The following PCDHGA11 variants were observed in gnomAD, a reference collection of about 807,000 sequenced individuals.
PCDHGA11 encodes the protein protocadherin gamma subfamily A, 11.
A neutral mutation model predicts 60.4 loss-of-function variants in PCDHGA11; 39 were observed. The ratio of observed to expected loss-of-function variants is 0.65; its 90% CI spans 0.50 to 0.84. PCDHGA11 has a LOEUF of 0.84. PCDHGA11 is among the 40% of genes least tolerant of loss of function. The pLI, the probability that PCDHGA11 is intolerant of heterozygous loss-of-function variation, is 0.00. For missense variants in PCDHGA11, 1,165 were observed against 1,197.7 expected, an observed-to-expected ratio of 0.97 and a Z score of 0.40; for synonymous variants, 533 against 510.3, an observed-to-expected ratio of 1.04 and a Z score of -0.60.
Position 141,432,521 on chromosome 5 carries a change from G to C in PCDHGA11, c.2433+8861G>C. ...CCGCTCCGCAGAGCCCGGCTACCTG[G>C]TGACCAAGGTGGTGGCGGTGGACAG... On this transcript the variant is annotated intron_variant, in intron 1 of 3. Transcript: ENST00000398587. The surrounding 1 kb of genome is among the most constrained non-coding windows in gnomAD (Gnocchi z 6.0). 1.2e-6 allele frequency: 2 copies of C among 1,614,112 alleles called. No individual in the cohort carries two copies. The highest frequency in any genetic ancestry group is 1.7e-6 in the Non-Finnish European group (2 of 1,180,028).
At chr5:141,503,023 A>T (rs1163676028) in intron 2 of PCDHGA11, among the ~76,000 whole-genome samples, 1 of 141,884 alleles carries the variant, frequency 7.0e-6, no homozygotes, top group African/African-American at 2.6e-5. Context: ...TTTTTTTTTT[A>T]ATATCTATTT....
At chr5:141,462,036 G>T (rs760555655) in intron 1 of PCDHGA11, among the ~76,000 whole-genome samples, 6 of 151,978 alleles carry the variant, frequency 3.9e-5, no homozygotes, top group Non-Finnish European at 8.8e-5. Flanking sequence ...TTGGTCAGGC[G>T]GGTCTTGAAC....
chr5:141,490,336 G>T lies in PCDHGA11; in HGVS notation c.2434-4471G>T. 2 of 1,614,224 alleles carry T rather than the reference G, an allele frequency of 1.2e-6. No individual in the cohort carries two copies. The highest frequency in any genetic ancestry group is 8.5e-7 in the Non-Finnish European group (1 of 1,180,040). ...CCCTGTCCTAGAGAGCACACCAGTGGGCACAGTAGTGGGGTTGTTTAATGT... is the reference window on the plus strand; with the variant it reads ...CCCTGTCCTAGAGAGCACACCAGTGTGCACAGTAGTGGGGTTGTTTAATGT... On this transcript the variant is annotated intron_variant, in intron 1 of 3. Transcript: ENST00000398587. This position sits in a 1 kb window ranked among gnomAD's most constrained non-coding sequence, Gnocchi z 5.4.
At chr5:141,502,697 T>C (rs893610041) in intron 2 of PCDHGA11, among the ~76,000 whole-genome samples, 13 of 152,208 alleles carry the variant, frequency 8.5e-5, no homozygotes, top group African/African-American at 3.1e-4. Context: ...CTTGCCTGTA[T>C]CTGTTTTTAC....
chr5:141,423,906 G>A (rs2096789586), intron 1 of PCDHGA11: 17 of 1,272,396 alleles, frequency 1.3e-5, no homozygotes, highest in Non-Finnish European at 1.7e-5. Context: ...ATTTCAAAGG[G>A]GCCATTCAAC....
intron 1 of PCDHGA11, among the ~76,000 whole-genome samples, chr5:141,461,644 A>C (rs1266858748): frequency 1.3e-5 from 2 of 151,868 alleles, no homozygotes; most frequent in Non-Finnish European, 2.9e-5. Flanking sequence ...TTCTTCTTTG[A>C]CCCATGGATT....
In PCDHGA11 at chr5:141,490,242, T is replaced by G. The variant is rs2099697678; in HGVS notation, c.2434-4565T>G. 6.2e-7 allele frequency: 1 copy of G among 1,614,194 alleles called. No individual in the cohort carries two copies. The highest frequency in any genetic ancestry group is 8.5e-7 in the Non-Finnish European group (1 of 1,180,028). ...GACAGCCTGCCATGGAGGGCCACTG[T>G]GTGATTCAAGTGGATGTGGGGGATG... On this transcript the variant is annotated intron_variant, in intron 1 of 3. Transcript: ENST00000398587. The surrounding 1 kb of genome is among the most constrained non-coding windows in gnomAD (Gnocchi z 5.4).
At chr5:141,425,448 C>G (rs897473729) in intron 1 of PCDHGA11, among the ~76,000 whole-genome samples, 1 of 152,164 alleles carries the variant, frequency 6.6e-6, no homozygotes, top group African/African-American at 2.4e-5. Flanking sequence ...AAATAAAACA[C>G]CATCACATTT....
At position 141,491,640 on chromosome 5, in the gene PCDHGA11, T is replaced by A; in HGVS notation, c.2434-3167T>A. 6.2e-7 allele frequency: 1 copy of A among 1,613,804 alleles called. No homozygotes were observed. Among genetic ancestry groups the A allele is most frequent in the South Asian group, 1.1e-5 (1 of 91,086 alleles). On this transcript the variant is annotated intron_variant, in intron 1 of 3. Coordinates refer to ENST00000398587, the MANE Select transcript of PCDHGA11 (RefSeq NM_018914.3). This position sits in a 1 kb window ranked among gnomAD's most constrained non-coding sequence, Gnocchi z 6.9. ...CCCTCAGCGTTCAGCAGCCCACAGC[T>A]CTGGCGCTGGAGCCTGACGCCATCC...
chr5:141,436,817 TA>T (rs1431750380), intron 1 of PCDHGA11, among the ~76,000 whole-genome samples: 1 of 152,244 alleles, frequency 6.6e-6, no homozygotes, highest in Non-Finnish European at 1.5e-5. Context: ...ACAGCTGGTT[TA>T]AAAATCTTAA....
intron 1 of PCDHGA11, among the ~76,000 whole-genome samples, chr5:141,444,150 GGATT>G (rs2098419499): frequency 1.8e-5 from 2 of 114,014 alleles, no homozygotes; most frequent in Non-Finnish European, 1.7e-5. Flanking sequence ...TGTGTGTACT[GGATT>G]TTTTTTTTTT....
chr5:141,489,229 G>A lies in PCDHGA11; in HGVS notation c.2434-5578G>A, dbSNP rs1188849525. 5.9e-6 allele frequency: 9 copies of A among 1,522,134 alleles called. No homozygotes were observed. In the Admixed American group the frequency reaches 6.4e-5, roughly 11 times the overall value. 94.3% of individuals were successfully genotyped at this position (1,522,134 alleles called of 1,614,324 possible). On this transcript the variant is annotated intron_variant, in intron 1 of 3. Transcript: ENST00000398587. The surrounding 1 kb of genome is among the most constrained non-coding windows in gnomAD (Gnocchi z 4.5). The stretch of plus-strand genomic sequence containing the variant: ...AGCACAGACTTACTCTCCACAAAGG[G>A]ACTTCTGGGTCATGGGGCCCAAGAC...
At position 141,489,910 on chromosome 5, in the gene PCDHGA11, G is replaced by T; in HGVS notation, c.2434-4897G>T. ...GGATGGGGGGACCCCAGCCCGCTCA[G>T]GGACCACCCTTATCTCTGTCATCGT... On this transcript the variant is annotated intron_variant, in intron 1 of 3. Transcript: ENST00000398587. This position sits in a 1 kb window ranked among gnomAD's most constrained non-coding sequence, Gnocchi z 4.5. 1 of 1,614,226 alleles carries T rather than the reference G, an allele frequency of 6.2e-7. No homozygotes were observed. The highest frequency in any genetic ancestry group is 8.5e-7 in the Non-Finnish European group (1 of 1,180,030).
intron 1 of PCDHGA11, among the ~76,000 whole-genome samples, chr5:141,436,350 C>T (rs1034303123): frequency 5.9e-5 from 9 of 152,126 alleles, no homozygotes; most frequent in Non-Finnish European, 1.3e-4. Flanking sequence ...TCAGTGACTT[C>T]AATCAACTAT....
At chr5:141,429,613 G>A (rs1374650357) in intron 1 of PCDHGA11, among the ~76,000 whole-genome samples, 2 of 152,084 alleles carry the variant, frequency 1.3e-5, no homozygotes, top group African/African-American at 2.4e-5. Flanking sequence ...TCAATTTTAT[G>A]TCTGATATTT....
intron 2 of PCDHGA11, among the ~76,000 whole-genome samples, chr5:141,500,381 T>G (rs1013284512): frequency 7.2e-5 from 11 of 151,786 alleles, no homozygotes; most frequent in African/African-American, 2.7e-4. Flanking sequence ...GCTAATTATT[T>G]TGTATTTTTA....
At chr5:141,444,626 A>G (rs542390437) in intron 1 of PCDHGA11, among the ~76,000 whole-genome samples, 74 of 152,288 alleles carry the variant, frequency 4.9e-4, no homozygotes, top group African/African-American at 1.7e-3. Flanking sequence ...GGCATGATGC[A>G]CCAGTTCATT....
intron 1 of PCDHGA11, among the ~76,000 whole-genome samples, chr5:141,474,357 T>G (rs185194067): frequency 2.0e-4 from 30 of 152,302 alleles, no homozygotes; most frequent in African/African-American, 6.5e-4. Context: ...AAGTCATGTC[T>G]CAGTAGGTCT....
chr5:141,487,689 A>G lies in PCDHGA11; in HGVS notation c.2434-7118A>G. 6.2e-7 allele frequency: 1 copy of G among 1,605,144 alleles called. No homozygotes were observed. The highest frequency in any genetic ancestry group is 1.7e-4 in the Middle Eastern group (1 of 6,050). ...GGCATATGGCTAGGCCATGTCCTAG[A>G]GAGTACTGGCCTCTCAGTAAGTGCC... On this transcript the variant is annotated intron_variant, in intron 1 of 3. Coordinates refer to ENST00000398587, the MANE Select transcript of PCDHGA11 (RefSeq NM_018914.3). This position sits in a 1 kb window ranked among gnomAD's most constrained non-coding sequence, Gnocchi z 5.0.
Sources: allele counts gnomAD v4.1 joint callset (sites outside exome capture counted in the v4.1 genomes callset), GRCh38; gene constraint gnomAD v4.1.1; non-coding constraint Gnocchi (gnomAD v3.1); transcripts MANE v1.5; gene names NCBI Gene and HGNC (gene_info 2026-07-23, HGNC 2026-07-21).